The following FANCI variants were observed in gnomAD, a reference collection of about 807,000 sequenced individuals.
FANCI encodes the protein Fanconi anemia group I protein.
A neutral mutation model predicts 176.1 loss-of-function variants in FANCI; 156 were observed. The ratio of observed to expected loss-of-function variants is 0.89; its 90% CI spans 0.78 to 1.01. The LOEUF (loss-of-function observed/expected upper bound fraction) is 1.01, where lower values mean the gene tolerates loss of function less well. Ranked by LOEUF, FANCI falls within the 50% of genes least tolerant of loss-of-function variation. FANCI has a pLI of 0.00. For missense variants in FANCI, 1,678 were observed against 1,534.1 expected (o/e 1.09, Z -1.57); for synonymous variants, 613 against 541.7 (o/e 1.13, Z -1.83).
At chr15:89,311,833 A>G (rs1237294914) in intron 34 of FANCI, among the ~76,000 whole-genome samples, 1 of 152,052 alleles carries the variant, frequency 6.6e-6, no homozygotes, top group African/African-American at 2.4e-5. Context: ...CCTTCCTAAG[A>G]AGGTTTAGAA....
intron 24 of FANCI, among the ~76,000 whole-genome samples, chr15:89,298,459 C>T (rs192911061): frequency 5.9e-5 from 9 of 152,178 alleles, no homozygotes; most frequent in Non-Finnish European, 1.3e-4. Context: ...GACAACATGT[C>T]AAAAGATATG....
chr15:89,296,422 TTG>T (rs1400234679), intron 24 of FANCI, among the ~76,000 whole-genome samples: 30 of 152,176 alleles, frequency 2.0e-4, no homozygotes, highest in South Asian at 1.7e-3. Flanking sequence ...TTCGTTTTTT[TTG>T]TTTTGTTTTG....
chr15:89,314,849 C>CTTTTT, intron 36 of FANCI, 142 bp downstream of exon 36: 2 of 397,362 alleles, frequency 5.0e-6, no homozygotes, highest in South Asian at 2.5e-5. Context: ...CCCCCCCCCC[C>CTTTTT]TTTTTTTTTT....
intron 17 of FANCI, among the ~76,000 whole-genome samples, chr15:89,283,610 T>C (rs937773264): frequency 1.3e-5 from 2 of 152,226 alleles, no homozygotes; most frequent in African/African-American, 2.4e-5. Context: ...TTTTTAATAT[T>C]GATTACATCT....
Position 89,316,435 on chromosome 15 carries a change from A to G in FANCI, c.3963A>G (p.Pro1321=). The change falls in exon 38 of 38, where the codon CCA becomes CCG. Residue 1321 remains proline, a synonymous_variant. Transcript: ENST00000310775. ...ASEHGGQNKE[P]AKKKRKK is the part of the protein sequence containing the mutation. Reference sequence around the variant, plus strand: ...AGCATGGGGGACAGAACAAAGAACCAGCCAAGAAGAAAAGGAAAAAATAAA... The same window carrying G: ...AGCATGGGGGACAGAACAAAGAACCGGCCAAGAAGAAAAGGAAAAAATAAA... 1 of 1,611,710 alleles carries G rather than the reference A, an allele frequency of 6.2e-7. No homozygotes were observed. The highest frequency in any genetic ancestry group is 8.5e-7 in the Non-Finnish European group (1 of 1,178,514).
In FANCI at chr15:89,274,315, G is replaced by A. The variant is rs2053320827; in HGVS notation, c.1112+11G>A. On this transcript the variant is annotated intron_variant, in intron 12 of 37. Coordinates refer to ENST00000310775, the MANE Select transcript of FANCI (RefSeq NM_001113378.2). ...AGTAGTGAAGAATAGGTAAGTTGGT[G>A]AACCATATCTCAAAAGGTTTATAAG... The A allele has an allele frequency of 2.5e-6, 4 of 1,612,940 alleles. No homozygotes were observed. Among genetic ancestry groups the A allele is most frequent in the African/African-American group, 1.3e-5 (1 of 74,864 alleles).
intron 10 of FANCI, among the ~76,000 whole-genome samples, 183 bp from the exon 11 acceptor site, chr15:89,273,194 C>T (rs537221499): frequency 4.4e-4 from 67 of 151,342 alleles, no homozygotes; most frequent in African/African-American, 1.6e-3. Flanking sequence ...GTCCCAGCTA[C>T]TTGGGAGGCT....
rs1482536693 is a variant in FANCI, at chr15:89,307,530, G to C, written c.3591+1G>C. 6.2e-7 allele frequency: 1 copy of C among 1,614,186 alleles called. No homozygotes were observed. Among genetic ancestry groups the C allele is most frequent in the Admixed American group, 1.7e-5 (1 of 60,024 alleles). ...AATTCCAAAAAATATGGAAAAGCTG[G>C]TGAGTTGAGAATGCCTTTCCTAGGA... is the stretch of plus-strand genomic sequence containing the variant. On this transcript the variant is annotated splice_donor_variant, in intron 33 of 37. Coordinates refer to ENST00000310775, the MANE Select transcript of FANCI (RefSeq NM_001113378.2). LOFTEE classifies it high-confidence loss of function.
At position 89,251,017 on chromosome 15, in the gene FANCI, C is replaced by T. The variant is rs138160514; in HGVS notation, c.84+3286C>T. Among the ~76,000 whole-genome samples, 729 of 151,852 alleles carry T rather than the reference C, an allele frequency of 4.8e-3. 5 individuals carry two copies. The highest frequency in any genetic ancestry group is 0.017 in the African/African-American group (696 of 41,438). On this transcript the variant is annotated intron_variant, in intron 2 of 37. Transcript: ENST00000310775. ...AGTAGAGAACAGAAAAATAGTGGAT[C>T]AAATTAATCAAAATCTTGGTTCTTT...
chr15:89,276,979 G>C (rs866488453), intron 13 of FANCI, 88 bp downstream of exon 13: 1 of 1,332,144 alleles, frequency 7.5e-7, no homozygotes, highest in Non-Finnish European at 1.1e-6. Context: ...TGGTGGACAA[G>C]GAAATTTGAG....
At position 89,303,906 on chromosome 15, in the gene FANCI, A is replaced by C; in HGVS notation, c.3049A>C (p.Asn1017His). 2 of 1,614,064 alleles carry C rather than the reference A, an allele frequency of 1.2e-6. No individual in the cohort carries two copies. Among genetic ancestry groups the C allele is most frequent in the Non-Finnish European group, 1.7e-6 (2 of 1,179,930 alleles). Residue 1017 changes from asparagine (N) to histidine (H), a missense_variant, in exon 28 of 38, where the codon AAC becomes CAC. This residue lies in a region of FANCI where 1,204 missense variants were observed against 1,077.4 expected (regional missense o/e 1.12). Transcript: ENST00000310775. ...CTGGACATCAAAGATTTGCAAGGAA[A>C]ACAGCCGGGGTAAGTTTACTGCCAT... ...LSWTSKICKE[N>H]SREDALFCKS... is the part of the protein sequence containing the mutation.
chr15:89,248,975 G>C (rs2052110635), intron 2 of FANCI, among the ~76,000 whole-genome samples: 1 of 152,146 alleles, frequency 6.6e-6, no homozygotes, highest in Non-Finnish European at 1.5e-5. Flanking sequence ...AGGAGTTCGA[G>C]ATCAGCTTAG....
chr15:89,281,397 A>G (rs1596284235), intron 15 of FANCI, 97 bp downstream of exon 15: 1 of 1,429,644 alleles, frequency 7.0e-7, no homozygotes, highest in East Asian at 2.3e-5. Context: ...TGTCTAAGAA[A>G]TTCTATTCCA....
rs2053608224 is a variant in FANCI, at chr15:89,281,379, A to C, written c.1512+79A>C. 15 of 1,513,480 alleles carry C rather than the reference A, an allele frequency of 9.9e-6. No individual in the cohort carries two copies. The South Asian group carries it at 1.6e-4, about 16-fold the overall frequency. The allele number at this position is 1,513,480 out of a possible 1,614,324, so 93.8% of individuals were successfully genotyped here. On this transcript the variant is annotated intron_variant, in intron 15 of 37. Coordinates refer to ENST00000310775, the MANE Select transcript of FANCI (RefSeq NM_001113378.2). ...TGGAAGTCTGATGCATTTTTGTATA[A>C]ATATATATGTCTAAGAAATTCTATT... is the stretch of plus-strand genomic sequence containing the variant.
At chr15:89,286,998 T>TTTTTTTTTTTTA (rs58388374) in intron 18 of FANCI, among the ~76,000 whole-genome samples, 3 of 116,224 alleles carry the variant, frequency 2.6e-5, no homozygotes, top group South Asian at 2.9e-4. Flanking sequence ...TTTTTTTTTT[T>TTTTTTTTTTTTA]GAGTCTCACT....
At chr15:89,256,983 T>C (rs941647706) in intron 2 of FANCI, among the ~76,000 whole-genome samples, 1 of 152,212 alleles carries the variant, frequency 6.6e-6, no homozygotes, top group Non-Finnish European at 1.5e-5. Context: ...CTCGGCTCAC[T>C]GCAAGCTCCG....
chr15:89,279,179 T>G (rs2053520905), intron 14 of FANCI, among the ~76,000 whole-genome samples: 1 of 152,032 alleles, frequency 6.6e-6, no homozygotes, highest in South Asian at 2.1e-4. Context: ...TTGTTTCTTT[T>G]TTAGACACAG....
intron 2 of FANCI, among the ~76,000 whole-genome samples, chr15:89,252,312 AAG>A (rs1491588375): frequency 6.6e-6 from 1 of 151,906 alleles, no homozygotes; most frequent in Non-Finnish European, 1.5e-5. Context: ...AAAAAAAAAA[AAG>A]AAAATATAAA....
rs145349375 is a variant in FANCI, at chr15:89,281,279, A to C, written c.1491A>C (p.Gln497His). The C allele has an allele frequency of 6.2e-7, 1 of 1,613,672 alleles. No homozygotes were observed. The highest frequency in any genetic ancestry group is 1.3e-5 in the African/African-American group (1 of 74,930). Residue 497 changes from glutamine to histidine, a missense_variant, in exon 15 of 38, where the codon CAA becomes CAC. Gln to His is a conservative substitution (Grantham distance 24). Around this residue, in one of 3 missense-constraint regions of FANCI, gnomAD observed 1,204 missense variants for 1,077.4 expected, o/e 1.12. Coordinates refer to ENST00000310775, the MANE Select transcript of FANCI (RefSeq NM_001113378.2). ...CCTTTCTGCCCCTTCAGACTGTACA[A>C]AGGCTGCTTAAGGCAGTGCAGGTAA... Reference protein sequence around the residue: ...YLSFLPLQTVQRLLKAVQPLL... With the variant: ...YLSFLPLQTVHRLLKAVQPLL...
Sources: gnomAD v4.1 joint callset for allele counts (sites outside exome capture counted in the v4.1 genomes callset) on GRCh38, gnomAD v4.1.1 for gene constraint, gnomAD v4.1.1 regional missense constraint, MANE v1.5 for transcripts, NCBI Gene and HGNC (gene_info 2026-07-23, HGNC 2026-07-21) for gene names.